The following EPB41 variants were observed in gnomAD, a reference collection of about 807,000 sequenced individuals.
EPB41 encodes protein 4.1.
In EPB41, 65 loss-of-function variants were observed where a neutral mutation model predicts 108.0. The ratio of observed to expected loss-of-function variants is 0.60; its 90% CI spans 0.49 to 0.74. The LOEUF is 0.74. Ranked by LOEUF, EPB41 falls within the 30% of genes least tolerant of loss-of-function variation. EPB41 has a pLI of 0.00. For synonymous variants in EPB41, 336 were observed against 358.9 expected (o/e 0.94, Z 0.72); for missense variants, 875 against 1,037.0 (o/e 0.84, Z 2.15).
At chr1:28,947,222 A>G (rs952846226) in intron 1 of EPB41, among the ~76,000 whole-genome samples, 1 of 152,174 alleles carries the variant, frequency 6.6e-6, no homozygotes, top group Non-Finnish European at 1.5e-5. Context: ...ATCCTGGCCA[A>G]CATGGTGAGA....
intron 1 of EPB41, among the ~76,000 whole-genome samples, chr1:28,976,598 C>T (rs1273992307): frequency 6.6e-6 from 1 of 152,160 alleles, no homozygotes; most frequent in Non-Finnish European, 1.5e-5. Context: ...AAGCTATCCT[C>T]CTGCCTTGGC....
At chr1:29,108,561 T>C (rs1218055216) in intron 17 of EPB41, among the ~76,000 whole-genome samples, 1 of 151,900 alleles carries the variant, frequency 6.6e-6, no homozygotes, top group Non-Finnish European at 1.5e-5. Context: ...TATTTTATTT[T>C]ATTTATTTAT....
chr1:29,116,369 G>A (rs1459182912), intron 20 of EPB41, among the ~76,000 whole-genome samples: 2 of 151,984 alleles, frequency 1.3e-5, no homozygotes, highest in Middle Eastern at 3.2e-3. Flanking sequence ...GGTTAGTCTC[G>A]AACTCCTGAC....
chr1:29,026,417 T>C (rs1285127099), intron 7 of EPB41, among the ~76,000 whole-genome samples: 3 of 152,052 alleles, frequency 2.0e-5, no homozygotes, highest in African/African-American at 4.8e-5. Context: ...GGTAGATACA[T>C]ACACAGATAC....
chr1:28,998,787 CGAA>C (rs1476997287), intron 4 of EPB41, among the ~76,000 whole-genome samples: 2 of 152,032 alleles, frequency 1.3e-5, no homozygotes, highest in African/African-American at 2.4e-5. Flanking sequence ...TTCAATATCA[CGAA>C]GAGAGTAAAT....
At chr1:28,892,568 A>G (rs1312899656) in intron 1 of EPB41, among the ~76,000 whole-genome samples, 1 of 151,930 alleles carries the variant, frequency 6.6e-6, no homozygotes, top group Non-Finnish European at 1.5e-5. Context: ...CTAAAAATAC[A>G]AAAATACACG....
intron 1 of EPB41, among the ~76,000 whole-genome samples, chr1:28,919,437 G>C (rs1428146324): frequency 2.6e-5 from 4 of 151,866 alleles, no homozygotes; most frequent in Non-Finnish European, 4.4e-5. Context: ...TCTCCTTCCA[G>C]TCAAATTGCT....
chr1:28,983,211 G>C (rs1015853641), intron 1 of EPB41, among the ~76,000 whole-genome samples: 2 of 152,080 alleles, frequency 1.3e-5, no homozygotes, highest in African/African-American at 4.8e-5. Context: ...AAATGTTAAT[G>C]GTTCACTTTT....
At position 28,915,307 on chromosome 1, in the gene EPB41, T is replaced by C. The variant is rs189862414; in HGVS notation, c.-8+539T>C. On this transcript the variant is annotated intron_variant, in intron 1 of 20. Coordinates refer to ENST00000343067, the MANE Select transcript of EPB41 (RefSeq NM_001376013.1). ...TTGAAAAACATGTTCCCCCTTAGTC[T>C]TCTGGGTTCCCAGCGAGCAGAGGGT... 1.1e-3 allele frequency among the ~76,000 whole-genome samples: 173 copies of C among 152,276 alleles called. 1 individual carries two copies. The highest frequency in any genetic ancestry group is 7.5e-3 in the Admixed American group (115 of 15,304).
At position 29,040,405 on chromosome 1, in the gene EPB41, C is replaced by T. The variant is rs561416970; in HGVS notation, c.1636+979C>T. ...AAGTGATTCTCCTGCCTTAGTCTCC[C>T]GAGTAGCTGTGATTACAGGCGTGTG... is the stretch of plus-strand genomic sequence containing the variant. On this transcript the variant is annotated intron_variant, in intron 11 of 20. Coordinates refer to ENST00000343067, the MANE Select transcript of EPB41 (RefSeq NM_001376013.1). Among the ~76,000 whole-genome samples the T allele has an allele frequency of 1.1e-4, 17 of 152,078 alleles. No individual in the cohort carries two copies. The East Asian group carries it at 2.5e-3, about 23-fold the overall frequency.
In EPB41 at chr1:29,065,150, G is replaced by A; in HGVS notation, c.2176G>A (p.Gly726Arg). ...TAACATCAATGGGCAAATCCCCACAGGAGAAGGAGTGAGTACTTTGTCCAC... is the reference window on the plus strand; with the variant it reads ...TAACATCAATGGGCAAATCCCCACAAGAGAAGGAGTGAGTACTTTGTCCAC... ...TLNINGQIPT[G>R]EGPPLVKTQT... Residue 726 changes from glycine to arginine, a missense_variant, in exon 16 of 21, where the codon GGA (glycine) becomes AGA (arginine). By Grantham distance (125) the Gly-to-Arg change is moderately radical. Around this residue, in one of 3 missense-constraint regions of EPB41, gnomAD observed 519 missense variants for 627.3 expected, o/e 0.83. Coordinates refer to ENST00000343067, the MANE Select transcript of EPB41 (RefSeq NM_001376013.1). The A allele has an allele frequency of 6.3e-7, 1 of 1,599,520 alleles. No individual in the cohort carries two copies. Among genetic ancestry groups the A allele is most frequent in the South Asian group, 1.1e-5 (1 of 89,214 alleles).
At chr1:28,945,198 T>C (rs1159202860) in intron 1 of EPB41, among the ~76,000 whole-genome samples, 1 of 152,190 alleles carries the variant, frequency 6.6e-6, no homozygotes, top group African/African-American at 2.4e-5. Flanking sequence ...TGATATAAAC[T>C]GAATTATGCT....
chr1:29,109,383 T>C lies in EPB41; in HGVS notation c.2361T>C (p.Ala787=). Residue 787 remains alanine, a synonymous_variant, in exon 18 of 21, where the codon GCT becomes GCC. Coordinates refer to ENST00000343067, the MANE Select transcript of EPB41 (RefSeq NM_001376013.1). The part of the protein sequence containing the change: ...GDLDPGVLLT[A]QTITSETPSS... ...TGGACCCAGGAGTCTTGCTGACAGC[T>C]CAAACTATCACATCTGAGACCCCAA... 6.2e-7 allele frequency: 1 copy of C among 1,614,004 alleles called. No individual in the cohort carries two copies. Among genetic ancestry groups the C allele is most frequent in the Non-Finnish European group, 8.5e-7 (1 of 1,179,996 alleles).
chr1:29,065,609 A>G (rs531809752), intron 16 of EPB41: 2 of 153,006 alleles, frequency 1.3e-5, no homozygotes, highest in East Asian at 3.8e-4. Context: ...CCCCACAATT[A>G]TATAGTAAAC....
At chr1:29,054,742 TG>T (rs1483234517) in intron 12 of EPB41, among the ~76,000 whole-genome samples, 1 of 152,022 alleles carries the variant, frequency 6.6e-6, no homozygotes, top group Non-Finnish European at 1.5e-5. Context: ...CCCAGCTCCT[TG>T]GGGGACTGAG....
chr1:28,916,525 T>C (rs1210307565), intron 1 of EPB41, among the ~76,000 whole-genome samples: 1 of 152,130 alleles, frequency 6.6e-6, no homozygotes, highest in African/African-American at 2.4e-5. Flanking sequence ...TAATCCCACC[T>C]ACTCAGTAGG....
At chr1:29,043,479 C>T (rs1642254463) in intron 11 of EPB41, among the ~76,000 whole-genome samples, 1 of 152,216 alleles carries the variant, frequency 6.6e-6, no homozygotes, top group Admixed American at 6.5e-5. Context: ...CCAATAGCTG[C>T]TAAGCTAAGA....
At chr1:28,916,750 A>G (rs2092703061) in intron 1 of EPB41, among the ~76,000 whole-genome samples, 2 of 152,188 alleles carry the variant, frequency 1.3e-5, no homozygotes, top group South Asian at 2.1e-4. Flanking sequence ...CAGGCTTAGA[A>G]ATAAATGTTT....
At chr1:29,101,172 C>T (rs1334940423) in intron 17 of EPB41, among the ~76,000 whole-genome samples, 6 of 150,756 alleles carry the variant, frequency 4.0e-5, no homozygotes, top group Admixed American at 2.6e-4. Flanking sequence ...TGCAGTGAGC[C>T]AACATGGCGC....
Sources: gnomAD v4.1 joint callset for allele counts (sites outside exome capture counted in the v4.1 genomes callset) on GRCh38, gnomAD v4.1.1 for gene constraint, gnomAD v4.1.1 regional missense constraint, MANE v1.5 for transcripts, NCBI Gene and HGNC (gene_info 2026-07-23, HGNC 2026-07-21) for gene names.